Variants in SLC24A3 observed in about 807,000 individuals in gnomAD.
SLC24A3 encodes the protein solute carrier family 24 member 3.
SLC24A3 carries 28 observed loss-of-function variants against 75.8 expected under a neutral mutation model. The ratio of observed to expected loss-of-function variants is 0.37; its 90% CI spans 0.27 to 0.51. The LOEUF is 0.51. SLC24A3 is among the 20% of genes least tolerant of loss of function. The probability of loss-of-function intolerance (pLI) is 0.94; values close to 1 mark genes in which losing one functional copy is unlikely to be tolerated. For missense variants in SLC24A3, 663 were observed against 847.8 expected (o/e 0.78, Z 2.71); for synonymous variants, 372 against 334.1 (o/e 1.11, Z -1.24).
At chr20:19,651,734 G>A (rs368156562) in intron 6 of SLC24A3, among the ~76,000 whole-genome samples, 25 of 151,856 alleles carry the variant, frequency 1.6e-4, no homozygotes, top group Non-Finnish European at 3.1e-4. Flanking sequence ...GGTGGTGGGC[G>A]CCTGTAGTCC....
At chr20:19,657,062 G>T (rs968297546) in intron 7 of SLC24A3, among the ~76,000 whole-genome samples, 2 of 152,218 alleles carry the variant, frequency 1.3e-5, no homozygotes, top group African/African-American at 4.8e-5. Context: ...CACGCAGGCT[G>T]CCAGGGCAAC....
At chr20:19,555,173 G>A (rs74831948) in intron 3 of SLC24A3, among the ~76,000 whole-genome samples, 3,520 of 152,214 alleles carry the variant, frequency 0.023, 83 homozygotes, top group South Asian at 0.083. Flanking sequence ...CTCATGCTTA[G>A]TGTTGAGCTA....
chr20:19,238,216 A>C (rs1410680562), intron 1 of SLC24A3, among the ~76,000 whole-genome samples: 1 of 152,168 alleles, frequency 6.6e-6, no homozygotes, highest in Admixed American at 6.5e-5. Context: ...CTAACAGCAG[A>C]GAGCAGCTCT....
At chr20:19,281,688 G>A (rs1382751449) in intron 2 of SLC24A3, among the ~76,000 whole-genome samples, 1 of 152,154 alleles carries the variant, frequency 6.6e-6, no homozygotes, top group Non-Finnish European at 1.5e-5. Context: ...AGCCCACCAA[G>A]CCTCAGGGAC....
intron 6 of SLC24A3, among the ~76,000 whole-genome samples, chr20:19,628,136 G>A (rs1032679887): frequency 1.0e-4 from 15 of 149,058 alleles, no homozygotes; most frequent in Non-Finnish European, 1.8e-4. Context: ...CCCAGGAGGC[G>A]GAGGTTGCAG....
In SLC24A3 at chr20:19,602,154, A is replaced by T. The variant is rs929315981; in HGVS notation, c.612+16610A>T. 2.0e-5 allele frequency among the ~76,000 whole-genome samples: 3 copies of T among 152,214 alleles called. No homozygotes were observed. In the East Asian group the frequency reaches 5.8e-4, roughly 29 times the overall value. Reference sequence around the variant, plus strand: ...GTGCCACTGCACTCCAGCCTGGGCGACAAGAGCAAAACTGTGTCTCAAATA... The same window carrying T: ...GTGCCACTGCACTCCAGCCTGGGCGTCAAGAGCAAAACTGTGTCTCAAATA... On this transcript the variant is annotated intron_variant, in intron 6 of 16. Coordinates refer to ENST00000328041, the MANE Select transcript of SLC24A3 (RefSeq NM_020689.4).
chr20:19,645,063 A>T (rs139136771), intron 6 of SLC24A3, among the ~76,000 whole-genome samples: 1,909 of 152,338 alleles, frequency 0.013, 15 homozygotes, highest in Middle Eastern at 0.037. Flanking sequence ...AGCTCTTCTC[A>T]TTCATCACTA....
At chr20:19,605,281 G>T (rs773689811) in intron 6 of SLC24A3, among the ~76,000 whole-genome samples, 2 of 151,970 alleles carry the variant, frequency 1.3e-5, no homozygotes, top group South Asian at 4.2e-4. Context: ...GCTGTCTGAT[G>T]TCTAAAGACT....
At chr20:19,428,187 G>A (rs909936373) in intron 2 of SLC24A3, among the ~76,000 whole-genome samples, 3 of 152,168 alleles carry the variant, frequency 2.0e-5, no homozygotes, top group Non-Finnish European at 2.9e-5. Flanking sequence ...TGTGGGTATT[G>A]CAGTTGCTGT....
At chr20:19,632,681 T>C (rs1164324343) in intron 6 of SLC24A3, among the ~76,000 whole-genome samples, 1 of 152,220 alleles carries the variant, frequency 6.6e-6, no homozygotes, top group African/African-American at 2.4e-5. Context: ...TGTGTTTTTA[T>C]AGGAGACCAT....
chr20:19,262,424 AAAG>A (rs1385386620), intron 1 of SLC24A3, among the ~76,000 whole-genome samples: 4 of 147,022 alleles, frequency 2.7e-5, no homozygotes, highest in African/African-American at 1.1e-4. Context: ...AAAAAAAAAA[AAAG>A]AAAGAGAGAG....
At chr20:19,616,253 T>C (rs891562042) in intron 6 of SLC24A3, among the ~76,000 whole-genome samples, 3 of 152,116 alleles carry the variant, frequency 2.0e-5, no homozygotes, top group African/African-American at 7.2e-5. Context: ...GTGGGCGAGG[T>C]AGCTCTCTGC....
At chr20:19,337,274 G>A (rs1030881809) in intron 2 of SLC24A3, among the ~76,000 whole-genome samples, 22 of 152,114 alleles carry the variant, frequency 1.4e-4, no homozygotes, top group African/African-American at 5.3e-4. Flanking sequence ...GAGAAACCTC[G>A]TCTTTACTAA....
chr20:19,415,929 G>A (rs1986821245), intron 2 of SLC24A3, among the ~76,000 whole-genome samples: 1 of 152,176 alleles, frequency 6.6e-6, no homozygotes, highest in South Asian at 2.1e-4. Flanking sequence ...ATTGTGCAAG[G>A]TGGTAGGCAT....
Position 19,502,135 on chromosome 20 carries a change from G to A in SLC24A3, c.272-13353G>A, listed in dbSNP as rs987463438. 4.6e-5 allele frequency among the ~76,000 whole-genome samples: 7 copies of A among 152,214 alleles called. 1 individual carries two copies. The highest frequency in any genetic ancestry group is 1.3e-4 in the Admixed American group (2 of 15,294). On this transcript the variant is annotated intron_variant, in intron 2 of 16. Coordinates refer to ENST00000328041, the MANE Select transcript of SLC24A3 (RefSeq NM_020689.4). ...CTTTTCTCCTCTGAAACCTCCCCAA[G>A]GTGTGTAGCATATGGGGGATAGAGC...
chr20:19,327,195 C>T (rs960722841), intron 2 of SLC24A3, among the ~76,000 whole-genome samples: 11 of 152,144 alleles, frequency 7.2e-5, no homozygotes, highest in Admixed American at 4.6e-4. Context: ...ACTGGAAATG[C>T]GTTGAGCTTG....
rs532095748 is a variant in SLC24A3 at position 19,691,529 on chromosome 20, A to T, written c.1325-1730A>T. 2.6e-5 allele frequency among the ~76,000 whole-genome samples: 4 copies of T among 151,886 alleles called. No homozygotes were observed. In the South Asian group the frequency reaches 8.4e-4, roughly 32 times the overall value. On this transcript the variant is annotated intron_variant, in intron 12 of 16. Coordinates refer to ENST00000328041, the MANE Select transcript of SLC24A3 (RefSeq NM_020689.4). ...GTTCTAGAACAATTTGGTTTTTGAG[A>T]CTCTTTCCTCTGGCTACTGGTAGCA...
intron 3 of SLC24A3, among the ~76,000 whole-genome samples, chr20:19,573,228 C>T (rs1178503559): frequency 6.6e-6 from 1 of 152,180 alleles, no homozygotes; most frequent in African/African-American, 2.4e-5. Flanking sequence ...TTCAGAAGCC[C>T]TTATGTGGAT....
chr20:19,582,132 A>G (rs919190538), intron 4 of SLC24A3, among the ~76,000 whole-genome samples: 6 of 152,240 alleles, frequency 3.9e-5, no homozygotes, highest in African/African-American at 1.4e-4. Context: ...ACATGTTTAC[A>G]TCTTCTAAGA....
Sources: gnomAD v4.1 joint callset for allele counts (sites outside exome capture counted in the v4.1 genomes callset) on GRCh38, gnomAD v4.1.1 for gene constraint, MANE v1.5 for transcripts, NCBI Gene and HGNC (gene_info 2026-07-23, HGNC 2026-07-21) for gene names.